Variants in C5AR1 observed in about 807,000 individuals in gnomAD.
C5AR1 encodes the protein C5a anaphylatoxin chemotactic receptor 1.
A neutral mutation model predicts 2.4 loss-of-function variants in C5AR1; 4 were observed. That is an observed-to-expected ratio of 1.65 (90% CI 0.81 to 3.77). The LOEUF (loss-of-function observed/expected upper bound fraction) is 3.77. C5AR1 is among the 30% of genes most tolerant of loss of function. The probability of loss-of-function intolerance (pLI) is 0.01; values close to 1 mark genes in which losing one functional copy is unlikely to be tolerated. For missense variants in C5AR1, 418 were observed against 462.5 expected (o/e 0.90, Z 0.88); for synonymous variants, 209 against 210.4 (o/e 0.99, Z 0.06).
intron 1 of C5AR1, among the ~76,000 whole-genome samples, chr19:47,310,322 C>T (rs1007221685): frequency 1.3e-5 from 2 of 152,002 alleles, no homozygotes; most frequent in African/African-American, 4.8e-5. Context: ...ACCAGCCTGG[C>T]CAACATAGTG....
At chr19:47,311,546 C>G (rs1372317187) in intron 1 of C5AR1, among the ~76,000 whole-genome samples, 4 of 152,084 alleles carry the variant, frequency 2.6e-5, no homozygotes, top group Non-Finnish European at 5.9e-5. Flanking sequence ...CCTGCCTACC[C>G]CAGAGCCTCT....
At chr19:47,319,605 G>A (rs140829968) in intron 1 of C5AR1, among the ~76,000 whole-genome samples, 176 bp from the exon 2 acceptor site, 192 of 152,222 alleles carry the variant, frequency 1.3e-3, no homozygotes, top group Non-Finnish European at 2.1e-3. Context: ...TACGGCATCT[G>A]CCTCAATATT....
At chr19:47,317,165 C>CCTG (rs1446207741) in intron 1 of C5AR1, among the ~76,000 whole-genome samples, 5 of 148,454 alleles carry the variant, frequency 3.4e-5, no homozygotes, top group African/African-American at 1.0e-4. Context: ...TGCACATAAG[C>CCTG]CTGGGTGACA....
chr19:47,313,081 C>T (rs1599729283), intron 1 of C5AR1, among the ~76,000 whole-genome samples: 1 of 152,122 alleles, frequency 6.6e-6, no homozygotes, highest in South Asian at 2.1e-4. Context: ...TCTGGTGATT[C>T]TCCTGCCTCG....
intron 1 of C5AR1, among the ~76,000 whole-genome samples, chr19:47,317,194 A>C (rs2059292296): frequency 7.6e-6 from 1 of 131,408 alleles, no homozygotes; most frequent in Non-Finnish European, 1.7e-5. Context: ...CCCCGTCTCA[A>C]AAAAAAAAAA....
In C5AR1 at chr19:47,319,932, T is replaced by G; in HGVS notation, c.155T>G (p.Val52Gly). 6.2e-7 allele frequency: 1 copy of G among 1,614,176 alleles called. No homozygotes were observed. The highest frequency in any genetic ancestry group is 8.5e-7 in the Non-Finnish European group (1 of 1,180,038). ...TTTGCAGTCGTCTTCCTGGTGGGAG[T>G]GCTGGGCAATGCCCTGGTGGTCTGG... The part of the protein sequence containing the change: ...VIFAVVFLVG[V>G]LGNALVVWVT... The change falls in exon 2 of 2, where the codon GTG (valine) becomes GGG (glycine). Residue 52 changes from valine (V) to glycine (G), a missense_variant. Transcript: ENST00000355085.
chr19:47,319,827 A>G lies in C5AR1; in HGVS notation c.50A>G (p.Lys17Arg). ...CCTGATTATGGGCACTATGATGACA[A>G]GGATACCCTGGACCTCAACACCCCT... ...TTPDYGHYDD[K>R]DTLDLNTPVD... The change falls in exon 2 of 2, where the codon AAG (lysine) becomes AGG (arginine). Residue 17 changes from lysine to arginine, a missense_variant. Transcript: ENST00000355085. The G allele has an allele frequency of 1.2e-6, 2 of 1,613,858 alleles. No individual in the cohort carries two copies. The highest frequency in any genetic ancestry group is 1.7e-6 in the Non-Finnish European group (2 of 1,179,794).
At chr19:47,319,293 G>T (rs2059300224) in intron 1 of C5AR1, among the ~76,000 whole-genome samples, 1 of 143,930 alleles carries the variant, frequency 6.9e-6, no homozygotes, top group African/African-American at 2.6e-5. Flanking sequence ...CAACTAGCAT[G>T]GAATCATTTC....
intron 1 of C5AR1, among the ~76,000 whole-genome samples, chr19:47,314,356 A>G (rs2059279553): frequency 6.6e-6 from 1 of 152,178 alleles, no homozygotes; most frequent in African/African-American, 2.4e-5. Flanking sequence ...GCCACAATGC[A>G]GCTACCTACG....
intron 1 of C5AR1, among the ~76,000 whole-genome samples, chr19:47,317,330 G>A (rs887260568): frequency 2.0e-5 from 3 of 151,314 alleles, no homozygotes; most frequent in Non-Finnish European, 4.4e-5. Context: ...AATACAGTGA[G>A]ACCCTCCTCT....
rs1035716784 is a variant in C5AR1, at chr19:47,321,210, A to C, written c.*380A>C. On this transcript the variant is annotated 3_prime_UTR_variant, in exon 2 of 2. Coordinates refer to ENST00000355085, the MANE Select transcript of C5AR1 (RefSeq NM_001736.4). ...ATTCTCGCTTAAAAAAAATGTATTT[A>C]TTTTATGGCAAGTTGGAAAATATGT... 1 of 155,580 alleles carries C rather than the reference A, an allele frequency of 6.4e-6. No homozygotes were observed. Among genetic ancestry groups the C allele is most frequent in the East Asian group, 1.9e-4 (1 of 5,220 alleles). 9.6% of individuals were successfully genotyped at this position (155,580 alleles called of 1,614,324 possible).
At chr19:47,318,199 C>T (rs533745496) in intron 1 of C5AR1, among the ~76,000 whole-genome samples, 40 of 152,140 alleles carry the variant, frequency 2.6e-4, no homozygotes, top group African/African-American at 8.2e-4. Flanking sequence ...CATTCCAGCC[C>T]GTATGGGTTC....
At chr19:47,318,513 C>T (rs570888035) in intron 1 of C5AR1, among the ~76,000 whole-genome samples, 4 of 151,838 alleles carry the variant, frequency 2.6e-5, no homozygotes, top group South Asian at 2.1e-4. Context: ...AGGCTGGTCT[C>T]GAACCCCTGA....
upstream of C5AR1, among the ~76,000 whole-genome samples, chr19:47,309,468 G>C (rs892989074): frequency 2.0e-5 from 3 of 151,858 alleles, no homozygotes; most frequent in African/African-American, 7.2e-5. Context: ...CCAGCTACTC[G>C]GGAGGCTGAG....
chr19:47,315,358 T>C (rs561698842), intron 1 of C5AR1, among the ~76,000 whole-genome samples: 11 of 152,220 alleles, frequency 7.2e-5, no homozygotes, highest in South Asian at 4.1e-4. Flanking sequence ...CCACAGGACG[T>C]TGGAATCAGC....
chr19:47,310,037 C>A, intron 1 of C5AR1, 139 bp downstream of exon 1: 2 of 797,590 alleles, frequency 2.5e-6, no homozygotes, highest in South Asian at 1.8e-5. Context: ...CCCTGTCTTC[C>A]ACCTCCCACC....
At chr19:47,315,282 C>T (rs1599730144) in intron 1 of C5AR1, among the ~76,000 whole-genome samples, 1 of 152,194 alleles carries the variant, frequency 6.6e-6, no homozygotes, top group East Asian at 1.9e-4. Context: ...TCAGTTATTT[C>T]CAGTCTTTGG....
chr19:47,318,912 G>A (rs997472413), intron 1 of C5AR1, among the ~76,000 whole-genome samples: 2 of 129,114 alleles, frequency 1.5e-5, no homozygotes, highest in Non-Finnish European at 3.2e-5. Context: ...TTTAGATGGA[G>A]TCTCACTCTG....
At chr19:47,312,347 A>T (rs1401181175) in intron 1 of C5AR1, among the ~76,000 whole-genome samples, 3 of 152,168 alleles carry the variant, frequency 2.0e-5, no homozygotes, top group Non-Finnish European at 4.4e-5. Flanking sequence ...TGGCCTCCCA[A>T]AGTGCTGGGA....
Sources: allele counts gnomAD v4.1 joint callset (sites outside exome capture counted in the v4.1 genomes callset), GRCh38; gene constraint gnomAD v4.1.1; transcripts MANE v1.5; gene names NCBI Gene and HGNC (gene_info 2026-07-23, HGNC 2026-07-21).